Variants in SERTAD4 observed in about 807,000 individuals in gnomAD.
SERTAD4 encodes the protein SERTA domain containing 4, also known as SERTA domain-containing protein 4.
Under a neutral mutation model 32.9 loss-of-function variants are expected in SERTAD4, and 18 were observed. The observed-to-expected ratio is 0.55, with a 90% CI of 0.38 to 0.81. The LOEUF is 0.81. Ranked by LOEUF, SERTAD4 falls within the 30% of genes least tolerant of loss-of-function variation. The pLI, the probability that SERTAD4 is intolerant of heterozygous loss-of-function variation, is 0.00. For synonymous variants in SERTAD4, 150 were observed against 156.4 expected (o/e 0.96, Z 0.30); for missense variants, 383 against 426.0 (o/e 0.90, Z 0.89).
Position 210,241,950 on chromosome 1 carries a change from T to C in SERTAD4, c.684T>C (p.Ser228=). The C allele has an allele frequency of 6.2e-7, 1 of 1,614,150 alleles. No homozygotes were observed. The highest frequency in any genetic ancestry group is 8.5e-7 in the Non-Finnish European group (1 of 1,179,998). Residue 228 remains serine, a synonymous_variant, in exon 4 of 4, where the codon TCT becomes TCC. Coordinates refer to ENST00000367012, the MANE Select transcript of SERTAD4 (RefSeq NM_019605.5). ...SSPSASSSSS[S]SSSSPPLPLP... is the part of the protein sequence containing the mutation. Reference sequence around the variant, plus strand: ...CCTCCGCCTCTTCTTCCTCCTCATCTTCCTCTTCCTCTCCCCCTTTGCCTT... The same window carrying C: ...CCTCCGCCTCTTCTTCCTCCTCATCCTCCTCTTCCTCTCCCCCTTTGCCTT...
rs2084012462 is a variant in SERTAD4 at position 210,242,848 on chromosome 1, C to CA, written c.*512dup. 1.0e-6 allele frequency: 1 copy of CA among 986,518 alleles called. No individual in the cohort carries two copies. The highest frequency in any genetic ancestry group is 1.7e-5 in the African/African-American group (1 of 57,328). The allele number at this position is 986,518 out of a possible 1,614,324, so 61.1% of individuals were successfully genotyped here. On this transcript the variant is annotated 3_prime_UTR_variant, in exon 4 of 4. Transcript: ENST00000367012. This position sits in a 1 kb window ranked among gnomAD's most constrained non-coding sequence, Gnocchi z 4.0. ...GGTGCTGTTAAGTATTTGTACCTAA[C>CA]AGTCTTGTGTGACAGATGAAAATAG...
intron 3 of SERTAD4, among the ~76,000 whole-genome samples, chr1:210,239,945 G>A (rs1316908090): frequency 6.6e-6 from 1 of 152,110 alleles, no homozygotes. Flanking sequence ...GTTCTTTCCT[G>A]TCATGTTCTC....
rs200557507 is a variant in SERTAD4, at chr1:210,241,749, C to G, written c.483C>G (p.Ala161=). ...FPACSFNGTS[A]QEWFMAQDCP... ...CCTGCTCTTTCAATGGCACCTCTGC[C>G]CAAGAGTGGTTTATGGCTCAAGACT... is the stretch of plus-strand genomic sequence containing the variant. The change falls in exon 4 of 4, where the codon GCC becomes GCG. Residue 161 remains alanine (A), a synonymous_variant. Coordinates refer to ENST00000367012, the MANE Select transcript of SERTAD4 (RefSeq NM_019605.5). 81 of 1,613,976 alleles carry G rather than the reference C, an allele frequency of 5.0e-5. No individual in the cohort carries two copies. In the Middle Eastern group the frequency reaches 8.2e-4, roughly 16 times the overall value.
chr1:210,235,688 C>A (rs1330892999), intron 1 of SERTAD4, among the ~76,000 whole-genome samples: 1 of 152,162 alleles, frequency 6.6e-6, no homozygotes, highest in African/African-American at 2.4e-5. Flanking sequence ...AAAAAAGGTA[C>A]TACCAAAAAG....
intron 1 of SERTAD4, among the ~76,000 whole-genome samples, chr1:210,236,573 G>C (rs901675887): frequency 1.3e-5 from 2 of 152,160 alleles, no homozygotes; most frequent in Admixed American, 1.3e-4. Flanking sequence ...CTTGGAAGTG[G>C]ACCCTTGTTA....
Position 210,238,021 on chromosome 1 carries a change from G to C in SERTAD4, c.61G>C (p.Glu21Gln). ...GCCCATTGTCTCGGAAGGAGCTGCTGAAATTGCTGGGTACCAAACACTATG... is the reference window on the plus strand; with the variant it reads ...GCCCATTGTCTCGGAAGGAGCTGCTCAAATTGCTGGGTACCAAACACTATG... ...CEPIVSEGAAEIAGYQTLWEA... is the reference protein window; with the variant it reads ...CEPIVSEGAAQIAGYQTLWEA... Residue 21 changes from glutamate to glutamine, a missense_variant, in exon 2 of 4, where the codon GAA becomes CAA. Around this residue, in one of 3 missense-constraint regions of SERTAD4, gnomAD observed 96 missense variants for 76.6 expected, o/e 1.25. Coordinates refer to ENST00000367012, the MANE Select transcript of SERTAD4 (RefSeq NM_019605.5). 6.2e-7 allele frequency: 1 copy of C among 1,613,968 alleles called. No individual in the cohort carries two copies. The highest frequency in any genetic ancestry group is 8.5e-7 in the Non-Finnish European group (1 of 1,179,980).
downstream of SERTAD4, chr1:210,246,492 A>C (rs2084050118): frequency 2.5e-6 from 2 of 791,140 alleles, no homozygotes. Context: ...ATCCTGCCAT[A>C]AAGTGCATCA....
Position 210,243,269 on chromosome 1 carries a change from G to A in SERTAD4, c.*932G>A, listed in dbSNP as rs1028593640. On this transcript the variant is annotated 3_prime_UTR_variant, in exon 4 of 4. Coordinates refer to ENST00000367012, the MANE Select transcript of SERTAD4 (RefSeq NM_019605.5). ...GATGGAGGAAATGAGAGAGAGAGCT[G>A]TTAGAAAGCAGCACGGGCTGCTCGA... 1.6e-5 allele frequency: 7 copies of A among 436,718 alleles called. No individual in the cohort carries two copies. In the East Asian group the frequency reaches 9.6e-4, roughly 60 times the overall value. 27.1% of individuals were successfully genotyped at this position (436,718 alleles called of 1,614,324 possible). A position where few individuals can be genotyped will look rare whatever the true frequency, so the allele number is the denominator to read the frequency against.
intron 1 of SERTAD4, chr1:210,234,162 G>A (rs76016401): frequency 4.0e-6 from 1 of 252,904 alleles, no homozygotes; most frequent in Non-Finnish European, 7.6e-6. Context: ...CTGGCTACCC[G>A]GGGAGGGGCT....
At chr1:210,233,610 G>C in intron 1 of SERTAD4, 1 of 454,570 alleles carries the variant, frequency 2.2e-6, no homozygotes, top group Non-Finnish European at 4.5e-6. Context: ...TGCGGGCGGC[G>C]GCGGCTCCTC....
chr1:210,238,221 G>T, intron 2 of SERTAD4, 86 bp downstream of exon 2: 2 of 809,480 alleles, frequency 2.5e-6, no homozygotes, highest in Non-Finnish European at 4.0e-6. Context: ...TGTCTGGGGT[G>T]CCCCTCTGAG....
In SERTAD4 at chr1:210,242,728, A is replaced by G; in HGVS notation, c.*391A>G. 1.0e-6 allele frequency: 1 copy of G among 1,003,156 alleles called. No homozygotes were observed. The highest frequency in any genetic ancestry group is 4.6e-5 in the South Asian group (1 of 21,692). 62.1% of individuals were successfully genotyped at this position (1,003,156 alleles called of 1,614,324 possible). On this transcript the variant is annotated 3_prime_UTR_variant, in exon 4 of 4. Transcript: ENST00000367012. The surrounding 1 kb of genome is among the most constrained non-coding windows in gnomAD (Gnocchi z 4.0). ...TAGGGAGTTATTTGGTAAGCAAATC[A>G]ATATAACCAGCAAAGATACCTGCTT...
rs1018548887 is a variant in SERTAD4, at chr1:210,244,730, A to G, written c.*2393A>G. 6.6e-6 allele frequency: 1 copy of G among 152,132 alleles called. No individual in the cohort carries two copies. Among genetic ancestry groups the G allele is most frequent in the Non-Finnish European group, 1.5e-5 (1 of 68,036 alleles). The allele number at this position is 152,132 out of a possible 1,614,324, so 9.4% of individuals were successfully genotyped here. A position where few individuals can be genotyped will look rare whatever the true frequency, so the allele number is the denominator to read the frequency against. On this transcript the variant is annotated 3_prime_UTR_variant, in exon 4 of 4. Transcript: ENST00000367012. ...TTGAAGGCCAAAGCTGTAAAATGAC[A>G]AAGTTGGTGATTTTCAGCAGCACTC...
At chr1:210,234,578 A>G (rs2083923229) in intron 1 of SERTAD4, among the ~76,000 whole-genome samples, 1 of 152,132 alleles carries the variant, frequency 6.6e-6, no homozygotes, top group Admixed American at 6.6e-5. Flanking sequence ...TCATTTTGGG[A>G]CAATGTGGAG....
Position 210,242,961 on chromosome 1 carries a change from C to G in SERTAD4, c.*624C>G. ...TATTCCCTGCAAGTTTCTGGCTTGC[C>G]TGTGATGGGTGATGAGGCTTTTAGA... On this transcript the variant is annotated 3_prime_UTR_variant, in exon 4 of 4. Coordinates refer to ENST00000367012, the MANE Select transcript of SERTAD4 (RefSeq NM_019605.5). The surrounding 1 kb of genome is among the most constrained non-coding windows in gnomAD (Gnocchi z 4.0). 2.0e-6 allele frequency: 2 copies of G among 985,594 alleles called. No individual in the cohort carries two copies. Among genetic ancestry groups the G allele is most frequent in the Non-Finnish European group, 2.4e-6 (2 of 829,904 alleles). 61.1% of individuals were successfully genotyped at this position (985,594 alleles called of 1,614,324 possible).
At chr1:210,239,457 C>T (rs180876624) in intron 2 of SERTAD4, 36 bp from the exon 3 acceptor site, 59 of 1,254,158 alleles carry the variant, frequency 4.7e-5, no homozygotes, top group Non-Finnish European at 6.4e-5. Flanking sequence ...TCTGGCAAAC[C>T]GCATGTCATT....
Position 210,245,637 on chromosome 1 carries a change from A to G in SERTAD4, c.*3300A>G, listed in dbSNP as rs576912976. The stretch of plus-strand genomic sequence containing the variant: ...GTGACCTTTTATTAAGACAACAGAA[A>G]TTTAGAACATTTTACATGCTTCTTT... On this transcript the variant is annotated 3_prime_UTR_variant, in exon 4 of 4. Transcript: ENST00000367012. 1.1e-3 allele frequency: 249 copies of G among 217,398 alleles called. 1 individual carries two copies. The highest frequency in any genetic ancestry group is 1.6e-3 in the Non-Finnish European group (200 of 127,662). 13.5% of individuals were successfully genotyped at this position (217,398 alleles called of 1,614,324 possible).
At chr1:210,241,200 T>G (rs1265338315) in intron 3 of SERTAD4, among the ~76,000 whole-genome samples, 1 of 152,140 alleles carries the variant, frequency 6.6e-6, no homozygotes, top group African/African-American at 2.4e-5. Context: ...CTCTCCTGAC[T>G]TCTAATAGCT....
At chr1:210,235,659 G>A (rs2083933760) in intron 1 of SERTAD4, among the ~76,000 whole-genome samples, 1 of 152,118 alleles carries the variant, frequency 6.6e-6, no homozygotes, top group South Asian at 2.1e-4. Flanking sequence ...AAATAGAAAC[G>A]CTGAAATTCC....
Sources: allele counts gnomAD v4.1 joint callset (sites outside exome capture counted in the v4.1 genomes callset), GRCh38; gene constraint gnomAD v4.1.1; regional missense constraint gnomAD v4.1.1; non-coding constraint Gnocchi (gnomAD v3.1); transcripts MANE v1.5; gene names NCBI Gene and HGNC (gene_info 2026-07-23, HGNC 2026-07-21).